Variants in EDIL3 observed in about 807,000 individuals in gnomAD.
The protein encoded by EDIL3 is EGF-like repeat and discoidin I-like domain-containing protein 3.
A neutral mutation model predicts 67.4 loss-of-function variants in EDIL3; 37 were observed. The observed-to-expected ratio is 0.55, with a 90% CI of 0.42 to 0.72. The LOEUF (loss-of-function observed/expected upper bound fraction) is 0.72. Ranked by LOEUF, EDIL3 falls within the 30% of genes least tolerant of loss-of-function variation. EDIL3 has a pLI of 0.00. For missense variants in EDIL3, 527 were observed against 586.3 expected (o/e 0.90, Z 1.04); for synonymous variants, 195 against 196.3 (o/e 0.99, Z 0.05).
In EDIL3 at chr5:84,168,391, T is replaced by C. The variant is rs151068860; in HGVS notation, c.355+12002A>G. Among the ~76,000 whole-genome samples the C allele has an allele frequency of 7.0e-4, 106 of 152,242 alleles. 1 individual carries two copies. The East Asian group carries it at 0.018, about 26-fold the overall frequency. On this transcript the variant is annotated intron_variant, in intron 4 of 10. Transcript: ENST00000296591. Reference sequence around the variant, plus strand: ...AATATCAAAAATTAAAAATTCAACATCCTAAATAGCATTGAATATATTTAA... The same window carrying C: ...AATATCAAAAATTAAAAATTCAACACCCTAAATAGCATTGAATATATTTAA...
intron 1 of EDIL3, among the ~76,000 whole-genome samples, chr5:84,299,047 C>A (rs1251874626): frequency 6.6e-6 from 1 of 152,128 alleles, no homozygotes; most frequent in Non-Finnish European, 1.5e-5. Context: ...AAACTGAAGA[C>A]CTGGTGCTGA....
intron 1 of EDIL3, among the ~76,000 whole-genome samples, chr5:84,332,340 C>T (rs1018342611): frequency 2.0e-5 from 3 of 152,172 alleles, no homozygotes; most frequent in Non-Finnish European, 2.9e-5. Context: ...CCACTGCACT[C>T]CAGCCTGGGC....
chr5:84,038,090 C>T (rs770816624), intron 9 of EDIL3, among the ~76,000 whole-genome samples: 2 of 145,962 alleles, frequency 1.4e-5, no homozygotes, highest in Non-Finnish European at 3.0e-5. Flanking sequence ...GCAAACTCTG[C>T]CTCCCGGGTT....
Position 83,942,305 on chromosome 5 carries a change from A to ATAAC in EDIL3, c.*1110_*1113dup, listed in dbSNP as rs1469084537. ...TTAGTAAACACTTTGCTTCTCACAA[A>ATAAC]TAACTCCACCTGTGCCTTCCTGGGA... On this transcript the variant is annotated 3_prime_UTR_variant, in exon 11 of 11. Coordinates refer to ENST00000296591, the MANE Select transcript of EDIL3 (RefSeq NM_005711.5). The ATAAC allele has an allele frequency of 6.6e-6, 1 of 152,064 alleles. No homozygotes were observed. The highest frequency in any genetic ancestry group is 1.5e-5 in the Non-Finnish European group (1 of 67,968). 9.4% of individuals were successfully genotyped at this position (152,064 alleles called of 1,614,324 possible).
In EDIL3 at chr5:84,254,064, T is replaced by C. The variant is rs1280759248; in HGVS notation, c.196+20A>G. The C allele has an allele frequency of 1.3e-6, 2 of 1,570,752 alleles. No individual in the cohort carries two copies. The highest frequency in any genetic ancestry group is 1.7e-6 in the Non-Finnish European group (2 of 1,159,734). On this transcript the variant is annotated intron_variant, in intron 2 of 10. Transcript: ENST00000296591. ...GGAAATAAAAAGATAACTACTGAAA[T>C]ACTTAAATTTTGCACTTACCAACCT... is the stretch of plus-strand genomic sequence containing the variant.
chr5:84,327,501 C>T (rs1426016734), intron 1 of EDIL3, among the ~76,000 whole-genome samples: 3 of 151,794 alleles, frequency 2.0e-5, no homozygotes, highest in Admixed American at 1.3e-4. Context: ...AGTGATTTTA[C>T]TATGTAGTCT....
intron 8 of EDIL3, 79 bp downstream of exon 8, chr5:84,064,621 A>G: frequency 6.9e-7 from 1 of 1,459,782 alleles, no homozygotes. Flanking sequence ...TTGAATTTGT[A>G]GGTTAGTAAC....
At chr5:84,203,373 A>G (rs1253053061) in intron 3 of EDIL3, among the ~76,000 whole-genome samples, 1 of 151,516 alleles carries the variant, frequency 6.6e-6, no homozygotes, top group East Asian at 1.9e-4. Context: ...TTCAGATAAA[A>G]AAAGTCTCCA....
Position 84,184,325 on chromosome 5 carries a change from G to A in EDIL3, c.227-3804C>T, listed in dbSNP as rs2098008433. ...GATCTGCGAAATAAAGGGAAGAGCT[G>A]GGGAATGGATGCAGAAAACTGAGAA... is the stretch of plus-strand genomic sequence containing the variant. On this transcript the variant is annotated intron_variant, in intron 3 of 10. Transcript: ENST00000296591. Among the ~76,000 whole-genome samples, 3 of 152,140 alleles carry A rather than the reference G, an allele frequency of 2.0e-5. No individual in the cohort carries two copies. The South Asian group carries it at 6.2e-4, about 32-fold the overall frequency.
intron 9 of EDIL3, among the ~76,000 whole-genome samples, chr5:83,992,188 C>G (rs1745162121): frequency 6.6e-6 from 1 of 152,096 alleles, no homozygotes; most frequent in Non-Finnish European, 1.5e-5. Context: ...CCACAATGGA[C>G]TATAAAACCA....
At chr5:84,133,731 G>A (rs1240687235) in intron 5 of EDIL3, among the ~76,000 whole-genome samples, 1 of 151,798 alleles carries the variant, frequency 6.6e-6, no homozygotes, top group Non-Finnish European at 1.5e-5. Flanking sequence ...ACATCTAAAT[G>A]ATTTTCACAT....
At chr5:84,234,973 T>A (rs1744650823) in intron 2 of EDIL3, among the ~76,000 whole-genome samples, 1 of 152,096 alleles carries the variant, frequency 6.6e-6, no homozygotes, top group East Asian at 1.9e-4. Context: ...TCTACATGTG[T>A]GTGTATGTTT....
At chr5:84,250,899 T>A (rs975316602) in intron 2 of EDIL3, among the ~76,000 whole-genome samples, 1 of 152,184 alleles carries the variant, frequency 6.6e-6, no homozygotes, top group Admixed American at 6.5e-5. Flanking sequence ...CACATCTCTA[T>A]CTTTGTGGTA....
At chr5:84,021,807 T>C (rs1745721195) in intron 9 of EDIL3, among the ~76,000 whole-genome samples, 1 of 151,792 alleles carries the variant, frequency 6.6e-6, no homozygotes, top group Non-Finnish European at 1.5e-5. Context: ...CTAAAGAAAA[T>C]GGATACATTC....
intron 1 of EDIL3, among the ~76,000 whole-genome samples, chr5:84,341,757 A>C (rs1747120355): frequency 1.3e-5 from 2 of 152,106 alleles, no homozygotes; most frequent in Admixed American, 1.3e-4. Flanking sequence ...GAGTTTTAAA[A>C]ATGTCCCTTG....
rs1554066711 is a variant in EDIL3 at position 84,075,886 on chromosome 5, G to GTACGCACACA, written c.652-9281_652-9280insTGTGTGCGTA. ...AAAGTACAAACACGTGCAAAAGTGT[G>GTACGCACACA]CACGCACACACACACACACACACAC... On this transcript the variant is annotated intron_variant, in intron 6 of 10. Transcript: ENST00000296591. Among the ~76,000 whole-genome samples the GTACGCACACA allele has an allele frequency of 9.7e-5, 5 of 51,554 alleles. No homozygotes were observed. In the East Asian group the frequency reaches 3.4e-3, roughly 35 times the overall value. The allele number at this position is 51,554 out of a possible 152,430, so 33.8% of individuals were successfully genotyped here.
intron 5 of EDIL3, among the ~76,000 whole-genome samples, chr5:84,120,522 C>T (rs1160785008): frequency 6.6e-6 from 1 of 152,002 alleles, no homozygotes; most frequent in Non-Finnish European, 1.5e-5. Flanking sequence ...TCAGATGACA[C>T]AGATGCCGTG....
At chr5:84,306,933 C>T (rs1050159322) in intron 1 of EDIL3, among the ~76,000 whole-genome samples, 1 of 152,172 alleles carries the variant, frequency 6.6e-6, no homozygotes, top group Non-Finnish European at 1.5e-5. Context: ...ATGCTTCACA[C>T]AATACTTGAT....
intron 9 of EDIL3, among the ~76,000 whole-genome samples, chr5:84,027,956 A>C (rs1012156384): frequency 6.6e-6 from 1 of 152,094 alleles, no homozygotes; most frequent in Admixed American, 6.6e-5. Flanking sequence ...TCTTTCCTGA[A>C]CTGTGGACAA....
Sources: allele counts gnomAD v4.1 joint callset (sites outside exome capture counted in the v4.1 genomes callset), GRCh38; gene constraint gnomAD v4.1.1; transcripts MANE v1.5; gene names NCBI Gene and HGNC (gene_info 2026-07-23, HGNC 2026-07-21).